NXPH1: variants seen among roughly 807,000 people sequenced by gnomAD.
The protein encoded by NXPH1 is neurexophilin 1, also known as neurexophilin-1.
In NXPH1, 5 loss-of-function variants were observed where a neutral mutation model predicts 23.7. That is an observed-to-expected ratio of 0.21 (90% CI 0.11 to 0.44). NXPH1 has a LOEUF of 0.44. Ranked by LOEUF, NXPH1 falls within the 20% of genes least tolerant of loss-of-function variation. NXPH1 has a pLI of 0.99. For synonymous variants in NXPH1, 144 were observed against 122.2 expected (o/e 1.18, Z -1.18); for missense variants, 324 against 321.6 (o/e 1.01, Z -0.06).
chr7:8,611,593 A>G (rs1819622611), intron 2 of NXPH1, among the ~76,000 whole-genome samples: 1 of 152,152 alleles, frequency 6.6e-6, no homozygotes, highest in South Asian at 2.1e-4. Context: ...TGAATTTGTG[A>G]AGGAAGGCAC....
chr7:8,523,552 A>T (rs1377383935), intron 2 of NXPH1, among the ~76,000 whole-genome samples: 1 of 152,246 alleles, frequency 6.6e-6, no homozygotes, highest in Non-Finnish European at 1.5e-5. Flanking sequence ...CTTAGAGGGA[A>T]AAGAATAGGA....
chr7:8,506,672 T>A (rs1817528845), intron 2 of NXPH1, among the ~76,000 whole-genome samples: 1 of 151,896 alleles, frequency 6.6e-6, no homozygotes, highest in African/African-American at 2.4e-5. Flanking sequence ...GTCAGAGAAG[T>A]TTTACTGAAG....
chr7:8,679,762 C>T (rs901963359), intron 2 of NXPH1, among the ~76,000 whole-genome samples: 13 of 152,368 alleles, frequency 8.5e-5, no homozygotes, highest in African/African-American at 1.2e-4. Flanking sequence ...GTGGCTCACG[C>T]CTGTAATCCC....
At chr7:8,708,037 T>C (rs1310685405) in intron 2 of NXPH1, among the ~76,000 whole-genome samples, 7 of 152,196 alleles carry the variant, frequency 4.6e-5, no homozygotes, top group African/African-American at 1.7e-4. Flanking sequence ...TATATGAATA[T>C]GCAAATTTTA....
intron 2 of NXPH1, among the ~76,000 whole-genome samples, chr7:8,559,991 G>A (rs181829063): frequency 3.2e-4 from 48 of 151,732 alleles, no homozygotes; most frequent in African/African-American, 1.1e-3. Context: ...GAATGGTAAC[G>A]GTAGAGCCAT....
At chr7:8,449,827 G>GTTGGCACTAC (rs1816473451) in intron 2 of NXPH1, among the ~76,000 whole-genome samples, 1 of 152,222 alleles carries the variant, frequency 6.6e-6, no homozygotes, top group Non-Finnish European at 1.5e-5. Context: ...CTAAATTGCT[G>GTTGGCACTAC]TTGGCACTAC....
At position 8,491,200 on chromosome 7, in the gene NXPH1, C is replaced by G. The variant is rs373538699; in HGVS notation, c.54+55433C>G. Among the ~76,000 whole-genome samples, 8 of 152,116 alleles carry G rather than the reference C, an allele frequency of 5.3e-5. No individual in the cohort carries two copies. In the East Asian group the frequency reaches 9.7e-4, roughly 18 times the overall value. On this transcript the variant is annotated intron_variant, in intron 2 of 2. Transcript: ENST00000405863. ...ACTAATAAGCTTGAACGGGAATCCA[C>G]TTGCTTTGGACATTTCCAGCCAGGC...
chr7:8,610,779 T>G (rs1386173071), intron 2 of NXPH1, among the ~76,000 whole-genome samples: 1 of 152,088 alleles, frequency 6.6e-6, no homozygotes, highest in Admixed American at 6.6e-5. Context: ...GGGTGGATGT[T>G]TTAAATCCCA....
chr7:8,734,408 A>T (rs1301802766), intron 2 of NXPH1, among the ~76,000 whole-genome samples: 6 of 152,306 alleles, frequency 3.9e-5, no homozygotes, highest in Admixed American at 3.3e-4. Flanking sequence ...TAATTCTGCA[A>T]AGAACGTCAA....
intron 2 of NXPH1, among the ~76,000 whole-genome samples, chr7:8,523,190 C>T (rs7809974): frequency 0.57 from 87,112 of 152,012 alleles, 25,168 homozygotes; most frequent in East Asian, 0.68. Flanking sequence ...CTGGACCTGA[C>T]TGAGGTCCAT....
chr7:8,708,924 G>A (rs1247296256), intron 2 of NXPH1, among the ~76,000 whole-genome samples: 1 of 152,128 alleles, frequency 6.6e-6, no homozygotes, highest in East Asian at 1.9e-4. Flanking sequence ...TAGATGAACT[G>A]AGTCAGAATC....
chr7:8,559,663 G>C (rs1197422802), intron 2 of NXPH1, among the ~76,000 whole-genome samples: 2 of 151,594 alleles, frequency 1.3e-5, no homozygotes, highest in Non-Finnish European at 3.0e-5. Flanking sequence ...AGAAGGCTGG[G>C]GTTGGGTCTG....
At chr7:8,739,514 C>T (rs1369715682) in intron 2 of NXPH1, among the ~76,000 whole-genome samples, 1 of 152,128 alleles carries the variant, frequency 6.6e-6, no homozygotes, top group African/African-American at 2.4e-5. Flanking sequence ...GAGCTGCGTA[C>T]CTCAGCTGGA....
At chr7:8,695,498 C>G (rs1165595621) in intron 2 of NXPH1, among the ~76,000 whole-genome samples, 1 of 152,154 alleles carries the variant, frequency 6.6e-6, no homozygotes, top group African/African-American at 2.4e-5. Context: ...TTGCTAAACA[C>G]CTCTTTATCC....
At chr7:8,503,118 C>T (rs905483580) in intron 2 of NXPH1, among the ~76,000 whole-genome samples, 20 of 151,922 alleles carry the variant, frequency 1.3e-4, no homozygotes, top group African/African-American at 2.2e-4. Flanking sequence ...TGAAGGGCCC[C>T]GATCTATTTG....
At chr7:8,705,684 G>A (rs1779692411) in intron 2 of NXPH1, among the ~76,000 whole-genome samples, 1 of 152,130 alleles carries the variant, frequency 6.6e-6, no homozygotes, top group South Asian at 2.1e-4. Flanking sequence ...TTTGGACGTG[G>A]TGCACAGTAA....
chr7:8,674,916 C>T (rs537880010), intron 2 of NXPH1, among the ~76,000 whole-genome samples: 11 of 152,236 alleles, frequency 7.2e-5, no homozygotes, highest in South Asian at 6.2e-4. Flanking sequence ...GGGTATCTTA[C>T]GGTCAAGCCC....
chr7:8,554,745 A>AG (rs1041288360), intron 2 of NXPH1, among the ~76,000 whole-genome samples: 1 of 151,678 alleles, frequency 6.6e-6, no homozygotes, highest in African/African-American at 2.4e-5. Context: ...TTCTTTAGGA[A>AG]GGCTCTTTGC....
In NXPH1 at chr7:8,656,668, T is replaced by C. The variant is rs1820588075; in HGVS notation, c.55-94340T>C. 2.0e-5 allele frequency among the ~76,000 whole-genome samples: 3 copies of C among 152,012 alleles called. No individual in the cohort carries two copies. In the South Asian group the frequency reaches 6.2e-4, roughly 32 times the overall value. On this transcript the variant is annotated intron_variant, in intron 2 of 2. Coordinates refer to ENST00000405863, the MANE Select transcript of NXPH1 (RefSeq NM_152745.3). ...CTAACTCGTCATCTAGCATTAGGTA[T>C]ATCTCCCAATGCTATCCCTCCCCGC...
Sources: gnomAD v4.1 joint callset for allele counts (sites outside exome capture counted in the v4.1 genomes callset) on GRCh38, gnomAD v4.1.1 for gene constraint, MANE v1.5 for transcripts, NCBI Gene and HGNC (gene_info 2026-07-23, HGNC 2026-07-21) for gene names.